The following ZNF630 variants were observed in gnomAD, a reference collection of about 807,000 sequenced individuals.
ZNF630 encodes the protein dJ54B20.2 (novel KRAB box containing C2H2 type zinc finger protein).
A neutral mutation model predicts 7.2 loss-of-function variants in ZNF630; 5 were observed. The observed-to-expected ratio is 0.70, with a 90% CI of 0.36 to 1.46. The LOEUF (loss-of-function observed/expected upper bound fraction) is 1.46. Among genes scored for constraint, ZNF630 ranks in the 40% most tolerant of loss-of-function variants. The pLI, the probability that ZNF630 is intolerant of heterozygous loss-of-function variation, is 0.03. For missense variants in ZNF630, 461 were observed against 477.0 expected (o/e 0.97, Z 0.31); for synonymous variants, 158 against 162.8 (o/e 0.97, Z 0.23).
intron 2 of ZNF630, among the ~76,000 whole-genome samples, chrX:48,064,053 G>A (rs1345918076): frequency 1.8e-5 from 2 of 110,951 alleles, no homozygotes; most frequent in Non-Finnish European, 3.8e-5. Flanking sequence ...CACTGCTTGA[G>A]AGGTCTGGTT....
Position 48,059,286 on chromosome X carries a change from C to T in ZNF630, c.1156G>A (p.Glu386Lys). ...ECSECRKAFC[E>K]MSHLFIHQIT... is the part of the protein sequence containing the mutation. The stretch of plus-strand genomic sequence containing the variant: ...TGGTGTATAAAAAGGTGAGACATCT[C>T]ACAGAAGGCTTTCCTGCATTCACTG... Residue 386 changes from glutamate (E) to lysine (K), a missense_variant, in exon 5 of 5, where the codon GAG becomes AAG. Coordinates refer to ENST00000276054, the MANE Select transcript of ZNF630 (RefSeq NM_001282201.2). 2 of 1,208,551 alleles carry T rather than the reference C, an allele frequency of 1.7e-6. No homozygotes were observed. Among genetic ancestry groups the T allele is most frequent in the Non-Finnish European group, 2.2e-6 (2 of 893,247 alleles).
At position 48,067,079 on chromosome X, in the gene ZNF630, G is replaced by A. The variant is rs1319538855; in HGVS notation, c.-175-18C>T. On this transcript the variant is annotated intron_variant, in intron 1 of 4. Coordinates refer to ENST00000276054, the MANE Select transcript of ZNF630 (RefSeq NM_001282201.2). The stretch of plus-strand genomic sequence containing the variant: ...ACTTCGTCCTAAGGTAATAATCATG[G>A]ATATGTGCAGATATTTAACCACAGA... 12 of 425,748 alleles carry A rather than the reference G, an allele frequency of 2.8e-5. No individual in the cohort carries two copies. Among genetic ancestry groups the A allele is most frequent in the African/African-American group, 5.0e-5 (2 of 39,845 alleles). 35.1% of individuals were successfully genotyped at this position (425,748 alleles called of 1,213,427 possible).
chrX:48,059,260 C>A lies in ZNF630; in HGVS notation c.1182G>T (p.Gln394His). 8.3e-7 allele frequency: 1 copy of A among 1,208,557 alleles called. No individual in the cohort carries two copies. Among genetic ancestry groups the A allele is most frequent in the Non-Finnish European group, 1.1e-6 (1 of 893,228 alleles). Reference protein sequence around the residue: ...FCEMSHLFIHQITHTGKKPYE... With the variant: ...FCEMSHLFIHHITHTGKKPYE... ...AGGGCTTCTTCCCAGTATGAGTTAT[C>A]TGGTGTATAAAAAGGTGAGACATCT... Residue 394 changes from glutamine (Q) to histidine (H), a missense_variant, in exon 5 of 5, where the codon CAG (glutamine) becomes CAT (histidine). Coordinates refer to ENST00000276054, the MANE Select transcript of ZNF630 (RefSeq NM_001282201.2).
chrX:48,066,154 A>G (rs2059130019), intron 2 of ZNF630, among the ~76,000 whole-genome samples: 1 of 111,321 alleles, frequency 9.0e-6, no homozygotes, highest in South Asian at 3.7e-4. Flanking sequence ...CCATCTACAC[A>G]CATAGATGGA....
chrX:48,060,973 G>A (rs782508341), intron 2 of ZNF630, 28 bp from the exon 3 acceptor site: 7 of 1,162,450 alleles, frequency 6.0e-6, no homozygotes, highest in Non-Finnish European at 3.5e-6. Context: ...TGTACAATCT[G>A]CTCGTTCTGG....
Position 48,058,721 on chromosome X carries a change from C to G in ZNF630, c.1721G>C (p.Ser574Thr). ...GHTGEKPYEC[S>T]ECGKAFCGKS... ...TCCACAGAAGGCCTTTCCACATTCACTACATTCATAGGGTTTCTCTCCAGT... is the reference window on the plus strand; with the variant it reads ...TCCACAGAAGGCCTTTCCACATTCAGTACATTCATAGGGTTTCTCTCCAGT... The change falls in exon 5 of 5, where the codon AGT (serine) becomes ACT (threonine). Residue 574 changes from serine (S) to threonine (T), a missense_variant. Physicochemically the swap from Ser to Thr is moderately conservative, Grantham distance 58. Transcript: ENST00000276054. The G allele has an allele frequency of 8.3e-7, 1 of 1,207,733 alleles. No homozygotes were observed. Among genetic ancestry groups the G allele is most frequent in the Non-Finnish European group, 1.1e-6 (1 of 892,835 alleles).
rs1279369836 is a variant in ZNF630, at chrX:48,068,233, A to C, written c.-175-1172T>G. On this transcript the variant is annotated intron_variant, in intron 1 of 4. Coordinates refer to ENST00000276054, the MANE Select transcript of ZNF630 (RefSeq NM_001282201.2). Reference sequence around the variant, plus strand: ...GAAAAGAAAAGAAAAAAGAAAAGAAAAGAAAAGAAAAGAGGGAGGGAGGGA... The same window carrying C: ...GAAAAGAAAAGAAAAAAGAAAAGAACAGAAAAGAAAAGAGGGAGGGAGGGA... 4.2e-5 allele frequency among the ~76,000 whole-genome samples: 3 copies of C among 71,123 alleles called. No individual in the cohort carries two copies. In the East Asian group the frequency reaches 1.8e-3, roughly 43 times the overall value. The allele number at this position is 71,123 out of a possible 115,157, so 61.8% of individuals were successfully genotyped here.
Position 48,059,518 on chromosome X carries a change from CACAATGAGGTGT to C in ZNF630, c.912_923del (p.Leu306_His309del). On this transcript the variant is annotated inframe_deletion, in exon 5 of 5. Transcript: ENST00000276054. Reference sequence around the variant, plus strand: ...TCTCCCCAGTATGAATCCTCTGATGCACAATGAGGTGTGATTTCTCACTGAAGGCTTTCCTAC... The same window carrying C: ...TCTCCCCAGTATGAATCCTCTGATGCGATTTCTCACTGAAGGCTTTCCTAC... 8.3e-7 allele frequency: 1 copy of C among 1,207,332 alleles called. No homozygotes were observed. The highest frequency in any genetic ancestry group is 1.1e-6 in the Non-Finnish European group (1 of 892,734).
At chrX:48,066,279 A>G (rs1290546916) in intron 2 of ZNF630, 1 of 107,424 alleles carries the variant, frequency 9.3e-6, no homozygotes, top group African/African-American at 3.4e-5. Flanking sequence ...TTTTTAAACT[A>G]TATTGTTTAC....
chrX:48,060,283 AC>A, intron 4 of ZNF630, 80 bp from the exon 5 acceptor site: 1 of 621,614 alleles, frequency 1.6e-6, no homozygotes. Context: ...ACACACACAC[AC>A]ACAAAACAGT....
In ZNF630 at chrX:48,060,394, G is replaced by A. The variant is rs1396683494; in HGVS notation, c.238+56C>T. On this transcript the variant is annotated intron_variant, in intron 4 of 4. Coordinates refer to ENST00000276054, the MANE Select transcript of ZNF630 (RefSeq NM_001282201.2). ...GGAAGAAAAAAGGTAACGGATGTCAGAGATGTCAAGGAAGAAGAAGATGCC... is the reference window on the plus strand; with the variant it reads ...GGAAGAAAAAAGGTAACGGATGTCAAAGATGTCAAGGAAGAAGAAGATGCC... 6 of 1,084,402 alleles carry A rather than the reference G, an allele frequency of 5.5e-6. No homozygotes were observed. The Admixed American group carries it at 1.1e-4, about 20-fold the overall frequency. The allele number at this position is 1,084,402 out of a possible 1,213,427, so 89.4% of individuals were successfully genotyped here.
Position 48,063,487 on chromosome X carries a change from A to T in ZNF630, c.16-2542T>A, listed in dbSNP as rs73493258. On this transcript the variant is annotated intron_variant, in intron 2 of 4. Coordinates refer to ENST00000276054, the MANE Select transcript of ZNF630 (RefSeq NM_001282201.2). ...TCATAAAAACAACAAGAATGAAAAA[A>T]ACAGATGATGGCTAATGGTGGCAGG... 8.6e-3 allele frequency among the ~76,000 whole-genome samples: 955 copies of T among 111,640 alleles called. 26 individuals carry two copies. Among genetic ancestry groups the T allele is most frequent in the African/African-American group, 0.029 (891 of 30,627 alleles).
Position 48,064,234 on chromosome X carries a change from A to G in ZNF630, c.15+2638T>C, listed in dbSNP as rs150057906. On this transcript the variant is annotated intron_variant, in intron 2 of 4. Coordinates refer to ENST00000276054, the MANE Select transcript of ZNF630 (RefSeq NM_001282201.2). ...GATAAGCACTGAGTAAATAGTAGCTATGATTCTTCTTATTATTATTACTAC... is the reference window on the plus strand; with the variant it reads ...GATAAGCACTGAGTAAATAGTAGCTGTGATTCTTCTTATTATTATTACTAC... 2.0e-4 allele frequency among the ~76,000 whole-genome samples: 22 copies of G among 111,701 alleles called. No homozygotes were observed. In the East Asian group the frequency reaches 2.5e-3, roughly 13 times the overall value.
chrX:48,069,144 G>A (rs782282106), intron 1 of ZNF630, among the ~76,000 whole-genome samples: 2 of 109,458 alleles, frequency 1.8e-5, no homozygotes, highest in South Asian at 3.9e-4. Context: ...GGCAGGCTGA[G>A]GCAGGAGAGT....
intron 2 of ZNF630, chrX:48,061,674 C>T (rs1301210357): frequency 1.3e-5 from 3 of 231,788 alleles, no homozygotes; most frequent in Non-Finnish European, 1.6e-5. Context: ...GCAGTTTCCC[C>T]CATGCTGTTC....
At chrX:48,069,531 T>C (rs2059149395) in intron 1 of ZNF630, among the ~76,000 whole-genome samples, 1 of 111,477 alleles carries the variant, frequency 9.0e-6, no homozygotes, top group South Asian at 3.7e-4. Flanking sequence ...ATCCATGAAA[T>C]ATATACAAAA....
chrX:48,060,251 AC>A lies in ZNF630; in HGVS notation c.239-49del, dbSNP rs1556908958. 8 of 772,108 alleles carry A rather than the reference AC, an allele frequency of 1.0e-5. No homozygotes were observed. In the African/African-American group the frequency reaches 1.9e-4, roughly 19 times the overall value. 63.6% of individuals were successfully genotyped at this position (772,108 alleles called of 1,213,427 possible). On this transcript the variant is annotated intron_variant, in intron 4 of 4. Transcript: ENST00000276054. ...AAATCAAATACACACACACACACAC[AC>A]ACACACACACACACACACACACACA...
chrX:48,060,213 GAAGA>G lies in ZNF630; in HGVS notation c.239-14_239-11del. Reference sequence around the variant, plus strand: ...AGGCCTTTCACTCTGTCTGAAGGAAGAAGAAAGAGGGAAAATCAAATACACACAC... The same window carrying G: ...AGGCCTTTCACTCTGTCTGAAGGAAGAAGAGGGAAAATCAAATACACACAC... On this transcript the variant is annotated splice_polypyrimidine_tract_variant and intron_variant, in intron 4 of 4. Transcript: ENST00000276054. The G allele has an allele frequency of 9.4e-7, 1 of 1,066,439 alleles. No homozygotes were observed. Among genetic ancestry groups the G allele is most frequent in the Non-Finnish European group, 1.2e-6 (1 of 816,230 alleles). The allele number at this position is 1,066,439 out of a possible 1,213,427, so 87.9% of individuals were successfully genotyped here.
rs372263711 is a variant in ZNF630 at position 48,058,952 on chromosome X, G to A, written c.1490C>T (p.Ser497Phe). 8.3e-7 allele frequency: 1 copy of A among 1,206,065 alleles called. No homozygotes were observed. Among genetic ancestry groups the A allele is most frequent in the Non-Finnish European group, 1.1e-6 (1 of 892,808 alleles). ...YMCTECGKSF[S>F]QKSPLIIHQR... The stretch of plus-strand genomic sequence containing the variant: ...GTGTATGATAAGAGGTGATTTCTGA[G>A]AGAAGGATTTTCCACATTCAGTACA... The change falls in exon 5 of 5, where the codon TCT (serine) becomes TTT (phenylalanine). Residue 497 changes from serine (S) to phenylalanine (F), a missense_variant. Ser to Phe is a radical substitution (Grantham distance 155, BLOSUM62 -2). Transcript: ENST00000276054.
Sources: gnomAD v4.1 joint callset for allele counts (sites outside exome capture counted in the v4.1 genomes callset) on GRCh38, gnomAD v4.1.1 for gene constraint, MANE v1.5 for transcripts, NCBI Gene and HGNC (gene_info 2026-07-23, HGNC 2026-07-21) for gene names.